The following NRXN3 variants were observed in gnomAD, a reference collection of about 807,000 sequenced individuals.
NRXN3 encodes neurexin III.
Under a neutral mutation model 137.6 loss-of-function variants are expected in NRXN3, and 32 were observed. That is an observed-to-expected ratio of 0.23 (90% CI 0.18 to 0.31). The LOEUF is 0.31. Ranked by LOEUF, NRXN3 falls within the 10% of genes least tolerant of loss-of-function variation. The pLI is 1.00. For missense variants in NRXN3, 1,574 were observed against 2,062.5 expected, an observed-to-expected ratio of 0.76 and a Z score of 4.59; for synonymous variants, 798 against 784.5, an observed-to-expected ratio of 1.02 and a Z score of -0.29.
intron 15 of NRXN3, among the ~76,000 whole-genome samples, chr14:79,264,497 G>A (rs1459442226): frequency 6.6e-6 from 1 of 150,734 alleles, no homozygotes; most frequent in East Asian, 2.0e-4. Context: ...CTTGCAAATG[G>A]CTGCCTTCTC....
chr14:79,244,949 T>C (rs775802739), intron 15 of NRXN3, among the ~76,000 whole-genome samples: 2 of 152,138 alleles, frequency 1.3e-5, no homozygotes, highest in Non-Finnish European at 2.9e-5. Flanking sequence ...GTTTCAACTG[T>C]CGAGTCTAAA....
chr14:78,297,977 C>A, intron 4 of NRXN3, 117 bp downstream of exon 4: 1 of 1,212,474 alleles, frequency 8.2e-7, no homozygotes, highest in South Asian at 1.4e-5. Flanking sequence ...CCTTCCTGCG[C>A]TGGGCCAGGC....
At chr14:79,479,438 G>A (rs1600895824) in intron 16 of NRXN3, among the ~76,000 whole-genome samples, 1 of 152,060 alleles carries the variant, frequency 6.6e-6, no homozygotes, top group Middle Eastern at 3.4e-3. Context: ...AAAGAAAAGA[G>A]GACTTAGACT....
chr14:79,583,893 C>T (rs990827706), intron 16 of NRXN3, among the ~76,000 whole-genome samples: 8 of 152,080 alleles, frequency 5.3e-5, no homozygotes, highest in Admixed American at 2.0e-4. Flanking sequence ...AAACTGAACA[C>T]GTAGCCTCCC....
chr14:78,209,582 G>T (rs761509047), intron 1 of NRXN3, among the ~76,000 whole-genome samples: 7 of 152,154 alleles, frequency 4.6e-5, no homozygotes, highest in Non-Finnish European at 8.8e-5. Flanking sequence ...AGGTAAGAGA[G>T]AGCTAGCAAG....
At chr14:79,546,887 T>C (rs2097326133) in intron 16 of NRXN3, among the ~76,000 whole-genome samples, 1 of 152,126 alleles carries the variant, frequency 6.6e-6, no homozygotes, top group African/African-American at 2.4e-5. Flanking sequence ...CTCAGACAGA[T>C]AGAGGGATAA....
chr14:79,172,383 T>C lies in NRXN3; in HGVS notation c.3262+184242T>C, dbSNP rs182020967. Among the ~76,000 whole-genome samples the C allele has an allele frequency of 6.8e-4, 104 of 152,268 alleles. 1 individual carries two copies. Among genetic ancestry groups the C allele is most frequent in the Admixed American group, 4.2e-3 (64 of 15,284 alleles). The stretch of plus-strand genomic sequence containing the variant: ...TATTCTGATCAGATTATTTTTATTT[T>C]TTGCCTTATGGCATTTACCTTTAAC... On this transcript the variant is annotated intron_variant, in intron 15 of 20. Coordinates refer to ENST00000335750, the MANE Select transcript of NRXN3 (RefSeq NM_001330195.2).
At chr14:79,272,539 A>G (rs1304138359) in intron 15 of NRXN3, among the ~76,000 whole-genome samples, 1 of 152,200 alleles carries the variant, frequency 6.6e-6, no homozygotes, top group African/African-American at 2.4e-5. Context: ...AATTATTAGA[A>G]TTTATTTTTT....
intron 16 of NRXN3, among the ~76,000 whole-genome samples, chr14:79,544,719 T>G (rs2097303389): frequency 6.6e-6 from 1 of 152,198 alleles, no homozygotes; most frequent in African/African-American, 2.4e-5. Flanking sequence ...CTCCCAAGAA[T>G]CATTGCTTAG....
chr14:78,805,731 A>G (rs1188018910), intron 9 of NRXN3, among the ~76,000 whole-genome samples: 1 of 152,130 alleles, frequency 6.6e-6, no homozygotes, highest in African/African-American at 2.4e-5. Flanking sequence ...ATTCAGCCCC[A>G]CGCGATCCTG....
chr14:79,390,360 A>G (rs562011115), intron 15 of NRXN3, among the ~76,000 whole-genome samples: 16 of 151,456 alleles, frequency 1.1e-4, no homozygotes, highest in Non-Finnish European at 2.2e-4. Flanking sequence ...TTCCTGTGAC[A>G]TATTTGTCAT....
At chr14:79,548,179 C>T (rs1193153017) in intron 16 of NRXN3, among the ~76,000 whole-genome samples, 1 of 151,956 alleles carries the variant, frequency 6.6e-6, no homozygotes, top group Non-Finnish European at 1.5e-5. Context: ...TAATACTATC[C>T]CTCCCCTAGC....
At chr14:78,280,687 G>T (rs1007889528) in intron 3 of NRXN3, among the ~76,000 whole-genome samples, 5 of 152,156 alleles carry the variant, frequency 3.3e-5, no homozygotes, top group Non-Finnish European at 7.3e-5. Flanking sequence ...GACAAAAGGG[G>T]CATCTTTTTC....
intron 17 of NRXN3, among the ~76,000 whole-genome samples, chr14:79,688,427 G>T (rs1345206712): frequency 1.3e-5 from 2 of 152,042 alleles, no homozygotes; most frequent in Non-Finnish European, 2.9e-5. Flanking sequence ...ACCCATGTTT[G>T]GACCAATAAA....
At chr14:79,782,180 G>C (rs939373219) in intron 19 of NRXN3, among the ~76,000 whole-genome samples, 2 of 152,156 alleles carry the variant, frequency 1.3e-5, no homozygotes, top group Non-Finnish European at 2.9e-5. Context: ...AAAGCTTCTG[G>C]AAGCTTTAAT....
intron 20 of NRXN3, among the ~76,000 whole-genome samples, chr14:79,833,619 A>T (rs1247707495): frequency 1.6e-5 from 1 of 64,302 alleles, no homozygotes; most frequent in Non-Finnish European, 3.1e-5. Flanking sequence ...TTAACAAAAA[A>T]TGTTGAGAAA....
chr14:79,815,682 C>G (rs747850888), intron 20 of NRXN3, among the ~76,000 whole-genome samples: 6 of 152,150 alleles, frequency 3.9e-5, no homozygotes, highest in Non-Finnish European at 8.8e-5. Context: ...AGCACACACA[C>G]AGAGCTCTAA....
intron 4 of NRXN3, among the ~76,000 whole-genome samples, chr14:78,310,109 C>T (rs991517240): frequency 2.0e-5 from 3 of 152,044 alleles, no homozygotes; most frequent in Non-Finnish European, 1.5e-5. Context: ...CTGCTTAACT[C>T]TAGGAAGAGC....
intron 19 of NRXN3, among the ~76,000 whole-genome samples, chr14:79,753,820 A>T (rs2099007958): frequency 6.6e-6 from 1 of 152,094 alleles, no homozygotes; most frequent in Non-Finnish European, 1.5e-5. Context: ...TTATATATAC[A>T]GTCCTCTGTA....
Sources: allele counts gnomAD v4.1 joint callset (sites outside exome capture counted in the v4.1 genomes callset), GRCh38; gene constraint gnomAD v4.1.1; transcripts MANE v1.5; gene names NCBI Gene and HGNC (gene_info 2026-07-23, HGNC 2026-07-21).